CLEC9A: variants seen among roughly 807,000 people sequenced by gnomAD.
CLEC9A encodes C-type lectin domain containing 9A.
A neutral mutation model predicts 30.0 loss-of-function variants in CLEC9A; 24 were observed. The ratio of observed to expected loss-of-function variants is 0.80; its 90% CI spans 0.58 to 1.13. The LOEUF is 1.13. Ranked by LOEUF, CLEC9A falls within the 50% of genes most tolerant of loss-of-function variation. The pLI is 0.00. For missense variants in CLEC9A, 251 were observed against 280.9 expected, an observed-to-expected ratio of 0.89 and a Z score of 0.76; for synonymous variants, 111 against 96.8, an observed-to-expected ratio of 1.15 and a Z score of -0.86.
intron 5 of CLEC9A, among the ~76,000 whole-genome samples, chr12:10,057,775 C>T (rs1336666103): frequency 6.6e-6 from 1 of 151,918 alleles, no homozygotes; most frequent in Non-Finnish European, 1.5e-5. Flanking sequence ...AGTAAGTAGA[C>T]TTAACTTTAA....
At chr12:10,041,867 G>A (rs1008652418) in intron 2 of CLEC9A, among the ~76,000 whole-genome samples, 1 of 152,176 alleles carries the variant, frequency 6.6e-6, no homozygotes, top group African/African-American at 2.4e-5. Context: ...TACATAGTGG[G>A]TCACACATGA....
At chr12:10,051,066 G>T (rs191950708) in intron 2 of CLEC9A, among the ~76,000 whole-genome samples, 4 of 151,964 alleles carry the variant, frequency 2.6e-5, no homozygotes, top group Admixed American at 6.6e-5. Context: ...TTAGCCGGGC[G>T]TGGTGGCGGG....
At chr12:10,034,240 A>T (rs1269673878) in intron 1 of CLEC9A, among the ~76,000 whole-genome samples, 1 of 152,242 alleles carries the variant, frequency 6.6e-6, no homozygotes, top group Non-Finnish European at 1.5e-5. Context: ...TGTAACTGAT[A>T]AAAGCATATA....
intron 1 of CLEC9A, among the ~76,000 whole-genome samples, chr12:10,034,394 G>C (rs1865726425): frequency 6.6e-6 from 1 of 152,178 alleles, no homozygotes; most frequent in African/African-American, 2.4e-5. Flanking sequence ...CCCAACCAGG[G>C]TCTGCCTCCA....
intron 2 of CLEC9A, among the ~76,000 whole-genome samples, chr12:10,043,523 T>C (rs1182345941): frequency 6.6e-6 from 1 of 152,016 alleles, no homozygotes; most frequent in Non-Finnish European, 1.5e-5. Flanking sequence ...CCCTCTCCCA[T>C]TCTTAAACTC....
intron 2 of CLEC9A, among the ~76,000 whole-genome samples, chr12:10,049,430 A>G (rs568837530): frequency 1.1e-4 from 16 of 152,356 alleles, no homozygotes; most frequent in African/African-American, 3.6e-4. Flanking sequence ...TCCAGCTATA[A>G]AAGTCCTAGA....
intron 2 of CLEC9A, among the ~76,000 whole-genome samples, chr12:10,050,533 G>A (rs1400012564): frequency 1.3e-5 from 2 of 151,982 alleles, no homozygotes; most frequent in Admixed American, 6.6e-5. Flanking sequence ...AATAGTACTC[G>A]GAATATAATT....
chr12:10,035,489 T>C (rs2137295189), intron 1 of CLEC9A, among the ~76,000 whole-genome samples: 1 of 152,374 alleles, frequency 6.6e-6, no homozygotes, highest in African/African-American at 2.4e-5. Flanking sequence ...ATGGCAAATA[T>C]ACTTAACATA....
chr12:10,055,778 C>T (rs1865936674), intron 5 of CLEC9A, among the ~76,000 whole-genome samples: 2 of 151,750 alleles, frequency 1.3e-5, no homozygotes, highest in African/African-American at 4.8e-5. Flanking sequence ...CACTTTAGGC[C>T]AGGCGTGGTG....
chr12:10,049,520 T>A (rs1213759671), intron 2 of CLEC9A, among the ~76,000 whole-genome samples: 1 of 152,236 alleles, frequency 6.6e-6, no homozygotes, highest in Non-Finnish European at 1.5e-5. Context: ...TTATCTTAGC[T>A]TTATCTTCTG....
In CLEC9A at chr12:10,045,301, CT is replaced by C. The variant is rs924495763; in HGVS notation, c.-163+3685del. On this transcript the variant is annotated intron_variant, in intron 2 of 8. Coordinates refer to ENST00000355819, the MANE Select transcript of CLEC9A (RefSeq NM_207345.4). ...TATGCTACATGAAACTGCTACTGAGCTTTTCAGATATACATACCTTGTACTA... is the reference window on the plus strand; with the variant it reads ...TATGCTACATGAAACTGCTACTGAGCTTTCAGATATACATACCTTGTACTA... Among the ~76,000 whole-genome samples, 16 of 152,292 alleles carry C rather than the reference CT, an allele frequency of 1.1e-4. 1 individual carries two copies. The East Asian group carries it at 1.9e-3, about 18-fold the overall frequency.
intron 2 of CLEC9A, among the ~76,000 whole-genome samples, chr12:10,046,052 A>G (rs1591887836): frequency 6.6e-6 from 1 of 152,332 alleles, no homozygotes; most frequent in East Asian, 1.9e-4. Flanking sequence ...AAGAATACTA[A>G]ACTTGGAATT....
In CLEC9A at chr12:10,064,785, G is replaced by A. The variant is rs533404718; in HGVS notation, c.525G>A (p.Val175=). The A allele has an allele frequency of 2.5e-6, 4 of 1,613,612 alleles. No individual in the cohort carries two copies. Among genetic ancestry groups the A allele is most frequent in the Non-Finnish European group, 3.4e-6 (4 of 1,179,724 alleles). ...RKIKGSYDYW[V]GLSQDGHSGR... ...TTAAAGGAAGCTATGATTACTGGGTGGGGTTGTCTCAGGATGGACACAGCG... is the reference window on the plus strand; with the variant it reads ...TTAAAGGAAGCTATGATTACTGGGTAGGGTTGTCTCAGGATGGACACAGCG... Residue 175 remains valine (V), a synonymous_variant, in exon 8 of 9, where the codon GTG becomes GTA. Transcript: ENST00000355819.
intron 1 of CLEC9A, among the ~76,000 whole-genome samples, chr12:10,034,147 T>C (rs7973004): frequency 2.0e-3 from 309 of 152,384 alleles, no homozygotes; most frequent in African/African-American, 7.3e-3. Context: ...TTACTTGCCC[T>C]GTGGCTTTTG....
chr12:10,060,354 T>A (rs1865985812), intron 5 of CLEC9A, among the ~76,000 whole-genome samples: 1 of 152,220 alleles, frequency 6.6e-6, no homozygotes, highest in Non-Finnish European at 1.5e-5. Flanking sequence ...ATTCATATCA[T>A]GGAATTCTAC....
chr12:10,063,073 G>A lies in CLEC9A; in HGVS notation c.338G>A (p.Cys113Tyr), dbSNP rs1249298319. 1.2e-6 allele frequency: 2 copies of A among 1,604,914 alleles called. No homozygotes were observed. Among genetic ancestry groups the A allele is most frequent in the South Asian group, 2.2e-5 (2 of 89,124 alleles). ...SLSSAHNSSP[C>Y]PNNWIQNRES... ...TTCAAAGCCCATAACAGCAGTCCTTGTCCAAACAATTGGATTCAGAACAGA... is the reference window on the plus strand; with the variant it reads ...TTCAAAGCCCATAACAGCAGTCCTTATCCAAACAATTGGATTCAGAACAGA... The change falls in exon 7 of 9, where the codon TGT becomes TAT. Residue 113 changes from cysteine to tyrosine, a missense_variant. By Grantham distance (194) the Cys-to-Tyr change is radical. Transcript: ENST00000355819.
At chr12:10,038,245 CTAAG>C (rs1865760145) in intron 1 of CLEC9A, among the ~76,000 whole-genome samples, 2 of 152,108 alleles carry the variant, frequency 1.3e-5, no homozygotes, top group Non-Finnish European at 2.9e-5. Flanking sequence ...TTGAATCATA[CTAAG>C]TTTTTGTTTC....
rs779751569 is a variant in CLEC9A, at chr12:10,054,324, A to G, written c.145A>G (p.Thr49Ala). The G allele has an allele frequency of 6.2e-7, 1 of 1,613,032 alleles. No individual in the cohort carries two copies. The highest frequency in any genetic ancestry group is 8.5e-7 in the Non-Finnish European group (1 of 1,179,318). The change falls in exon 5 of 9, where the codon ACA (threonine) becomes GCA (alanine). Residue 49 changes from threonine to alanine, a missense_variant. Transcript: ENST00000355819. ...ATGTGTTTTCTGCATGGGATTATTA[A>G]CAGCATCCATTTTCTTGGGCGTCAA... ...ISCVFCMGLL[T>A]ASIFLGVKLL...
chr12:10,043,689 T>C (rs985024279), intron 2 of CLEC9A, among the ~76,000 whole-genome samples: 3 of 122,792 alleles, frequency 2.4e-5, no homozygotes, highest in Non-Finnish European at 5.3e-5. Flanking sequence ...TATATATATA[T>C]AGACAGAGAG....
Sources: allele counts gnomAD v4.1 joint callset (sites outside exome capture counted in the v4.1 genomes callset), GRCh38; gene constraint gnomAD v4.1.1; transcripts MANE v1.5; gene names NCBI Gene and HGNC (gene_info 2026-07-23, HGNC 2026-07-21).